The following PDS5A variants were observed in gnomAD, a reference collection of about 807,000 sequenced individuals.
PDS5A encodes sister chromatid cohesion protein PDS5 homolog A.
PDS5A carries 42 observed loss-of-function variants against 167.1 expected under a neutral mutation model. The ratio of observed to expected loss-of-function variants is 0.25; its 90% CI spans 0.20 to 0.33. PDS5A has a LOEUF of 0.33. PDS5A is among the 10% of genes least tolerant of loss of function. PDS5A has a pLI of 1.00. For synonymous variants in PDS5A, 553 were observed against 554.6 expected, an observed-to-expected ratio of 1.00 and a Z score of 0.04; for missense variants, 1,033 against 1,605.9, an observed-to-expected ratio of 0.64 and a Z score of 6.10.
intron 11 of PDS5A, among the ~76,000 whole-genome samples, chr4:39,906,933 A>C (rs955893688): frequency 4.6e-5 from 7 of 150,592 alleles, no homozygotes; most frequent in South Asian, 2.1e-4. Context: ...AAAAAAAAAA[A>C]AAAAAAAAAA....
intron 2 of PDS5A, among the ~76,000 whole-genome samples, chr4:39,957,360 T>A (rs911690480): frequency 2.0e-5 from 3 of 152,030 alleles, no homozygotes; most frequent in African/African-American, 7.2e-5. Context: ...AGTGATTTTT[T>A]AAAATTCATA....
chr4:39,951,699 G>A (rs1728391293), intron 2 of PDS5A, among the ~76,000 whole-genome samples: 1 of 152,072 alleles, frequency 6.6e-6, no homozygotes. Context: ...AGGAGATCTA[G>A]ACCATCCTGG....
At chr4:39,832,793 G>A (rs1267959323) in intron 32 of PDS5A, among the ~76,000 whole-genome samples, 1 of 151,836 alleles carries the variant, frequency 6.6e-6, no homozygotes, top group Non-Finnish European at 1.5e-5. Context: ...TGCTCTCATA[G>A]AACAAAGTGA....
rs1346928018 is a variant in PDS5A at position 39,929,519 on chromosome 4, C to CTCTATATATA, written c.139-1356_139-1355insTATATATAGA. 3.3e-3 allele frequency among the ~76,000 whole-genome samples: 264 copies of CTCTATATATA among 79,380 alleles called. 10 individuals are homozygous for CTCTATATATA. Among genetic ancestry groups the CTCTATATATA allele is most frequent in the African/African-American group, 8.6e-3 (98 of 11,428 alleles). 52.1% of individuals were successfully genotyped at this position (79,380 alleles called of 152,430 possible). The stretch of plus-strand genomic sequence containing the variant: ...GCCTTGTGAGTTAATACTTAATAAA[C>CTCTATATATA]TATATATATATATATATATATATAT... On this transcript the variant is annotated intron_variant, in intron 2 of 32. Transcript: ENST00000303538.
intron 2 of PDS5A, among the ~76,000 whole-genome samples, chr4:39,945,217 T>C (rs538679189): frequency 6.6e-6 from 1 of 152,098 alleles, no homozygotes; most frequent in Non-Finnish European, 1.5e-5. Flanking sequence ...TCCCAGCACT[T>C]TGGAAGGCCA....
intron 32 of PDS5A, among the ~76,000 whole-genome samples, chr4:39,828,854 T>C (rs1257715565): frequency 6.6e-6 from 1 of 152,034 alleles, no homozygotes; most frequent in East Asian, 1.9e-4. Flanking sequence ...AAAATGATCA[T>C]CTAGGAAGTG....
chr4:39,960,977 C>G (rs1729425424), intron 2 of PDS5A, among the ~76,000 whole-genome samples: 1 of 152,078 alleles, frequency 6.6e-6, no homozygotes, highest in Non-Finnish European at 1.5e-5. Context: ...CGTGAGCCAC[C>G]ACACCCAGCC....
chr4:39,823,866 A>G lies in PDS5A; in HGVS notation c.*1619T>C, dbSNP rs1048006605. The G allele has an allele frequency of 6.6e-6, 1 of 152,592 alleles. No individual in the cohort carries two copies. Among genetic ancestry groups the G allele is most frequent in the Non-Finnish European group, 1.5e-5 (1 of 68,036 alleles). 9.5% of individuals were successfully genotyped at this position (152,592 alleles called of 1,614,324 possible). A position where few individuals can be genotyped will look rare whatever the true frequency, so the allele number is the denominator to read the frequency against. On this transcript the variant is annotated 3_prime_UTR_variant, in exon 33 of 33. Transcript: ENST00000303538. ...TCAGTCAATACACAGCCAACTCTTG[A>G]TTATCTATGAGAAACGTAAGTGACA...
chr4:39,938,548 T>C (rs896169909), intron 2 of PDS5A, among the ~76,000 whole-genome samples: 5 of 151,220 alleles, frequency 3.3e-5, no homozygotes, highest in African/African-American at 1.2e-4. Flanking sequence ...AGCAAGACTC[T>C]GTCTCAAAAA....
chr4:39,931,677 A>C (rs1291605283), intron 2 of PDS5A, among the ~76,000 whole-genome samples: 1 of 152,060 alleles, frequency 6.6e-6, no homozygotes, highest in Admixed American at 6.6e-5. Flanking sequence ...GTCTTTTACG[A>C]CCTAACCTTG....
chr4:39,844,640 T>TG lies in PDS5A; in HGVS notation c.3548+15dup, dbSNP rs1717417843. On this transcript the variant is annotated intron_variant, in intron 30 of 32. Coordinates refer to ENST00000303538, the MANE Select transcript of PDS5A (RefSeq NM_001100399.2). ...TAGTGAGTGCTAGTAACAAAATAAT[T>TG]GGAGAGAAAAGTTGCCTTGATCGAT... 6.3e-7 allele frequency: 1 copy of TG among 1,597,648 alleles called. No homozygotes were observed. Among genetic ancestry groups the TG allele is most frequent in the South Asian group, 1.1e-5 (1 of 88,306 alleles).
chr4:39,845,066 G>A, intron 29 of PDS5A, among the ~76,000 whole-genome samples: 1 of 152,134 alleles, frequency 6.6e-6, no homozygotes, highest in South Asian at 2.1e-4. Flanking sequence ...AAATTAGCCA[G>A]GTGTGGTGGT....
At chr4:39,855,405 AG>A (rs1718454031) in intron 26 of PDS5A, among the ~76,000 whole-genome samples, 1 of 152,236 alleles carries the variant, frequency 6.6e-6, no homozygotes, top group Non-Finnish European at 1.5e-5. Flanking sequence ...ATCACATTAT[AG>A]TACTTAAAAT....
At chr4:39,875,580 A>G (rs1454551186) in intron 19 of PDS5A, among the ~76,000 whole-genome samples, 1 of 152,204 alleles carries the variant, frequency 6.6e-6, no homozygotes, top group Non-Finnish European at 1.5e-5. Context: ...CAGGCCATGC[A>G]CTTTAACCAA....
intron 28 of PDS5A, chr4:39,848,047 C>G (rs139813216): frequency 6.6e-6 from 1 of 152,290 alleles, no homozygotes. Context: ...TTATGAGAAT[C>G]TAACTAATGC....
intron 16 of PDS5A, among the ~76,000 whole-genome samples, chr4:39,895,219 A>AG (rs1722296866): frequency 6.7e-6 from 1 of 150,030 alleles, no homozygotes; most frequent in Non-Finnish European, 1.5e-5. Flanking sequence ...AAAAAAAAAA[A>AG]AAAGAGAAAT....
intron 17 of PDS5A, among the ~76,000 whole-genome samples, chr4:39,882,190 C>T (rs1578661524): frequency 6.6e-6 from 1 of 152,138 alleles, no homozygotes; most frequent in African/African-American, 2.4e-5. Flanking sequence ...ATTTGCATTT[C>T]CCAAATGAGT....
chr4:39,926,472 C>T (rs1336943305), intron 4 of PDS5A, among the ~76,000 whole-genome samples: 9 of 149,026 alleles, frequency 6.0e-5, no homozygotes, highest in African/African-American at 2.2e-4. Flanking sequence ...GAGCTGAGAT[C>T]ACGCCATTGC....
intron 27 of PDS5A, 42 bp downstream of exon 27, chr4:39,849,478 T>C: frequency 7.1e-7 from 1 of 1,403,952 alleles, no homozygotes. Flanking sequence ...AATATATTTT[T>C]CTATTACATC....
Sources: gnomAD v4.1 joint callset for allele counts (sites outside exome capture counted in the v4.1 genomes callset) on GRCh38, gnomAD v4.1.1 for gene constraint, MANE v1.5 for transcripts, NCBI Gene and HGNC (gene_info 2026-07-23, HGNC 2026-07-21) for gene names.